The following CNBD1 variants were observed in gnomAD, a reference collection of about 807,000 sequenced individuals.
CNBD1 encodes cyclic nucleotide binding domain containing 1.
Under a neutral mutation model 54.4 loss-of-function variants are expected in CNBD1, and 71 were observed. The ratio of observed to expected loss-of-function variants is 1.30; its 90% CI spans 1.08 to 1.59. The LOEUF is 1.59. CNBD1 is among the 40% of genes most tolerant of loss of function. The pLI is 0.00. For synonymous variants in CNBD1, 182 were observed against 170.7 expected (o/e 1.07, Z -0.51); for missense variants, 659 against 518.0 (o/e 1.27, Z -2.64).
At chr8:87,320,660 A>G (rs937618650) in intron 8 of CNBD1, among the ~76,000 whole-genome samples, 10 of 151,980 alleles carry the variant, frequency 6.6e-5, no homozygotes, top group African/African-American at 2.4e-4. Context: ...AGAAGTCACA[A>G]AAAATACAGT....
At chr8:87,342,219 G>A (rs1221264774) in intron 8 of CNBD1, among the ~76,000 whole-genome samples, 1 of 151,678 alleles carries the variant, frequency 6.6e-6, no homozygotes, top group Non-Finnish European at 1.5e-5. Flanking sequence ...CTTGCAGTGA[G>A]CTGAGATTGT....
At chr8:87,109,997 A>G (rs952281470) in intron 4 of CNBD1, among the ~76,000 whole-genome samples, 2 of 152,184 alleles carry the variant, frequency 1.3e-5, no homozygotes, top group African/African-American at 2.4e-5. Context: ...TCTTTCAGAC[A>G]TCTGAGAAAA....
intron 10 of CNBD1, among the ~76,000 whole-genome samples, chr8:87,374,223 T>C (rs1354425509): frequency 1.3e-5 from 2 of 151,812 alleles, no homozygotes; most frequent in East Asian, 1.9e-4. Context: ...ATATTTACCG[T>C]GCACTTCATC....
intron 1 of CNBD1, among the ~76,000 whole-genome samples, chr8:86,885,341 G>A (rs1016801276): frequency 6.6e-6 from 1 of 152,034 alleles, no homozygotes; most frequent in Non-Finnish European, 1.5e-5. Flanking sequence ...AAGATAATCG[G>A]TTTTTTAATT....
chr8:87,395,239 A>T (rs1042102714), intron 2 of CNBD1, among the ~76,000 whole-genome samples: 5 of 151,880 alleles, frequency 3.3e-5, no homozygotes, highest in African/African-American at 4.8e-5. Context: ...GTAATCATAG[A>T]TGAATTGAAA....
At position 87,329,077 on chromosome 8, in the gene CNBD1, T is replaced by C. The variant is rs555395804; in HGVS notation, c.1043-22608T>C. ...TTTTATTTTAAATTTAGGTCTGTTATCTATTTTGAGTTAATTTTTGTGAAA... is the reference window on the plus strand; with the variant it reads ...TTTTATTTTAAATTTAGGTCTGTTACCTATTTTGAGTTAATTTTTGTGAAA... On this transcript the variant is annotated intron_variant, in intron 8 of 10. Coordinates refer to ENST00000518476, the MANE Select transcript of CNBD1 (RefSeq NM_173538.3). 2.0e-5 allele frequency among the ~76,000 whole-genome samples: 3 copies of C among 152,154 alleles called. No homozygotes were observed. In the East Asian group the frequency reaches 5.8e-4, roughly 29 times the overall value.
intron 4 of CNBD1, among the ~76,000 whole-genome samples, chr8:87,037,294 G>T (rs947297759): frequency 6.6e-6 from 1 of 151,926 alleles, no homozygotes; most frequent in Non-Finnish European, 1.5e-5. Flanking sequence ...GAGTTCTGAA[G>T]CTTTGCAGTG....
chr8:87,024,278 C>G (rs974524552), intron 4 of CNBD1, among the ~76,000 whole-genome samples: 1 of 149,048 alleles, frequency 6.7e-6, no homozygotes, highest in South Asian at 2.1e-4. Context: ...ATCCAGGAAT[C>G]ATTAGAGTTT....
At chr8:87,335,395 G>A (rs1221980993) in intron 8 of CNBD1, among the ~76,000 whole-genome samples, 1 of 152,054 alleles carries the variant, frequency 6.6e-6, no homozygotes, top group Non-Finnish European at 1.5e-5. Context: ...CTCCTGTATT[G>A]GGTGTATATA....
intron 2 of CNBD1, chr8:87,428,472 G>A (rs1009496936): frequency 5.4e-5 from 15 of 277,192 alleles, no homozygotes; most frequent in Admixed American, 3.0e-4. Flanking sequence ...GATAAAAATA[G>A]GATTAGCAAT....
chr8:87,032,231 G>T (rs2130595978), intron 4 of CNBD1, among the ~76,000 whole-genome samples: 1 of 152,254 alleles, frequency 6.6e-6, no homozygotes, highest in South Asian at 2.1e-4. Flanking sequence ...GAACAATGTG[G>T]GGGGTAGGGG....
intron 2 of CNBD1, among the ~76,000 whole-genome samples, chr8:86,895,673 T>C (rs1176328335): frequency 6.6e-6 from 1 of 152,214 alleles, no homozygotes. Flanking sequence ...CTTGTTGCTT[T>C]AGTTTGTAAT....
intron 6 of CNBD1, among the ~76,000 whole-genome samples, chr8:87,273,608 A>T (rs1808413399): frequency 6.6e-6 from 1 of 151,946 alleles, no homozygotes; most frequent in African/African-American, 2.4e-5. Flanking sequence ...GTAATGTGAC[A>T]CTTATCCCAG....
At chr8:86,915,404 A>G (rs564844741) in intron 3 of CNBD1, among the ~76,000 whole-genome samples, 15 of 152,326 alleles carry the variant, frequency 9.8e-5, no homozygotes, top group African/African-American at 3.4e-4. Context: ...TCTACACCTT[A>G]GCTGAATTCA....
At chr8:87,340,915 T>C (rs1181677890) in intron 8 of CNBD1, among the ~76,000 whole-genome samples, 1 of 152,138 alleles carries the variant, frequency 6.6e-6, no homozygotes, top group African/African-American at 2.4e-5. Context: ...ATTTATTTAT[T>C]TATATCTTGA....
intron 6 of CNBD1, among the ~76,000 whole-genome samples, chr8:87,257,369 CAA>C (rs771338208): frequency 1.3e-3 from 91 of 67,410 alleles, no homozygotes; most frequent in Admixed American, 2.3e-3. Context: ...AACTCTATCG[CAA>C]AAAAAAAAAA....
At position 87,353,801 on chromosome 8, in the gene CNBD1, A is replaced by G. The variant is rs768416921; in HGVS notation, c.1303+15A>G. 2 of 1,579,574 alleles carry G rather than the reference A, an allele frequency of 1.3e-6. No individual in the cohort carries two copies. Among genetic ancestry groups the G allele is most frequent in the Non-Finnish European group, 1.7e-6 (2 of 1,161,656 alleles). ...GGACCTATTTGGTAAATGCATAAAT[A>G]TCTTTTAACTGTTATACCATTTTAT... On this transcript the variant is annotated intron_variant, in intron 10 of 10. Coordinates refer to ENST00000518476, the MANE Select transcript of CNBD1 (RefSeq NM_173538.3).
At chr8:86,878,219 A>C (rs533917300) in intron 1 of CNBD1, among the ~76,000 whole-genome samples, 1 of 150,830 alleles carries the variant, frequency 6.6e-6, no homozygotes, top group African/African-American at 2.4e-5. Flanking sequence ...TTGCTATTAT[A>C]AATTAATCAT....
chr8:87,294,683 C>T (rs907891170), intron 8 of CNBD1, among the ~76,000 whole-genome samples: 1 of 152,174 alleles, frequency 6.6e-6, no homozygotes, highest in African/African-American at 2.4e-5. Context: ...TCTTCATTGA[C>T]ATTATTTTCC....
Sources: gnomAD v4.1 joint callset for allele counts (sites outside exome capture counted in the v4.1 genomes callset) on GRCh38, gnomAD v4.1.1 for gene constraint, MANE v1.5 for transcripts, NCBI Gene and HGNC (gene_info 2026-07-23, HGNC 2026-07-21) for gene names.